ADCY4: variants seen among roughly 807,000 people sequenced by gnomAD.
The protein encoded by ADCY4 is adenylate cyclase 4.
In ADCY4, 111 loss-of-function variants were observed where a neutral mutation model predicts 125.5. The observed-to-expected ratio is 0.88, with a 90% confidence interval of 0.76 to 1.04. The LOEUF (loss-of-function observed/expected upper bound fraction) is 1.04. Ranked by LOEUF, ADCY4 falls within the 50% of genes least tolerant of loss-of-function variation. The pLI is 0.00. For synonymous variants in ADCY4, 576 were observed against 586.9 expected (o/e 0.98, Z 0.27); for missense variants, 1,256 against 1,382.9 (o/e 0.91, Z 1.46).
intron 1 of ADCY4, 31 bp from the exon 2 acceptor site, chr14:24,333,019 T>G (rs2139228200): frequency 6.7e-7 from 1 of 1,495,010 alleles, no homozygotes; most frequent in Non-Finnish European, 8.9e-7. Flanking sequence ...GGCAAGATTG[T>G]GACAGGGAGA....
intron 6 of ADCY4, chr14:24,330,766 G>T: frequency 2.0e-6 from 1 of 495,700 alleles, no homozygotes; most frequent in Non-Finnish European, 3.6e-6. Flanking sequence ...TGGGGGCTCT[G>T]AGCATGTTTG....
At chr14:24,334,018 G>A (rs2042093002) in intron 1 of ADCY4, among the ~76,000 whole-genome samples, 1 of 152,220 alleles carries the variant, frequency 6.6e-6, no homozygotes, top group South Asian at 2.1e-4. Flanking sequence ...TTCTAGAATT[G>A]GATTGAAGAC....
intron 10 of ADCY4, 173 bp downstream of exon 10, chr14:24,328,888 A>G: frequency 2.5e-6 from 2 of 785,894 alleles, no homozygotes; most frequent in Non-Finnish European, 4.0e-6. Flanking sequence ...AAGGAGGGGC[A>G]AGGAAGGGCC....
intron 12 of ADCY4, 36 bp downstream of exon 12, chr14:24,326,043 G>T: frequency 2.5e-6 from 4 of 1,570,398 alleles, no homozygotes; most frequent in Non-Finnish European, 3.5e-6. Flanking sequence ...TGACCTCAGG[G>T]CCTGCGGCCC....
intron 14 of ADCY4, among the ~76,000 whole-genome samples, chr14:24,324,770 C>A (rs2041914996): frequency 6.6e-6 from 1 of 151,162 alleles, no homozygotes; most frequent in African/African-American, 2.4e-5. Flanking sequence ...GTGGTGTGAT[C>A]TTGGCTCACT....
chr14:24,322,870 G>T (rs774545029), intron 18 of ADCY4, 34 bp downstream of exon 18: 1 of 1,561,804 alleles, frequency 6.4e-7, no homozygotes, highest in East Asian at 2.4e-5. Context: ...CCATCCCAGG[G>T]GGCCCGGCAC....
intron 19 of ADCY4, 28 bp downstream of exon 19, chr14:24,322,596 C>G (rs2041869745): frequency 6.2e-7 from 1 of 1,611,590 alleles, no homozygotes; most frequent in Non-Finnish European, 8.5e-7. Flanking sequence ...ATAGGTGGGC[C>G]CTGGTGGGGC....
chr14:24,319,866 T>A lies in ADCY4; in HGVS notation c.2609A>T (p.Glu870Val). 6.2e-7 allele frequency: 1 copy of A among 1,613,782 alleles called. No homozygotes were observed. Among genetic ancestry groups the A allele is most frequent in the Non-Finnish European group, 8.5e-7 (1 of 1,179,996 alleles). Residue 870 changes from glutamate (E) to valine (V), a missense_variant, in exon 21 of 25, where the codon GAA (glutamate) becomes GTA (valine). Glu to Val is a moderately radical substitution (Grantham distance 121, BLOSUM62 -2). Coordinates refer to ENST00000418030, the MANE Select transcript of ADCY4 (RefSeq NM_001198568.2). This position sits in a 1 kb window ranked among gnomAD's most constrained non-coding sequence, Gnocchi z 4.5. ...RNEDLYHQSYECVCVLFASVP... is the reference protein window; with the variant it reads ...RNEDLYHQSYVCVCVLFASVP... ...TGAGGCGAAGAGGACACAAACGCAT[T>A]CATAGGACTGGTGGTAGAGATCCTG... is the stretch of plus-strand genomic sequence containing the variant.
In ADCY4 at chr14:24,329,869, C is replaced by A; in HGVS notation, c.1208G>T (p.Gly403Val). 3 of 1,613,500 alleles carry A rather than the reference C, an allele frequency of 1.9e-6. No individual in the cohort carries two copies. The highest frequency in any genetic ancestry group is 2.5e-6 in the Non-Finnish European group (3 of 1,179,636). ...GGGCCCTAGGTCTCACCCTGGTACA[C>A]CGCCTGCCTCCATGTGGTTAGCCAG... is the stretch of plus-strand genomic sequence containing the variant. Reference protein sequence around the residue: ...VTLANHMEAGGVPGRVHITGA... With the variant: ...VTLANHMEAGVVPGRVHITGA... Residue 403 changes from glycine to valine, a missense_variant, in exon 8 of 25, where the codon GGT becomes GTT. By Grantham distance (109) the Gly-to-Val change is moderately radical (BLOSUM62 -3). Transcript: ENST00000418030.
At position 24,325,428 on chromosome 14, in the gene ADCY4, G is replaced by A. The variant is rs1191279079; in HGVS notation, c.1772C>T (p.Thr591Ile). 2 of 1,613,784 alleles carry A rather than the reference G, an allele frequency of 1.2e-6. No homozygotes were observed. Among genetic ancestry groups the A allele is most frequent in the South Asian group, 2.2e-5 (2 of 91,070 alleles). ...GAAGTTGGAGAGAAAAACCAGGAAG[G>A]TGCAGGCTTCATAGTATTTGAAGGC... ...IPAFKYYEACTFLVFLSNFII... is the reference protein window; with the variant it reads ...IPAFKYYEACIFLVFLSNFII... Residue 591 changes from threonine (T) to isoleucine (I), a missense_variant, in exon 14 of 25, where the codon ACC becomes ATC. Physicochemically the swap from Thr to Ile is moderately conservative, Grantham distance 89. Transcript: ENST00000418030.
Position 24,323,456 on chromosome 14 carries a change from T to A in ADCY4, c.2047-2A>T. 1 of 1,552,248 alleles carries A rather than the reference T, an allele frequency of 6.4e-7. No homozygotes were observed. The highest frequency in any genetic ancestry group is 8.7e-7 in the Non-Finnish European group (1 of 1,147,208). On this transcript the variant is annotated splice_acceptor_variant, in intron 16 of 24. Coordinates refer to ENST00000418030, the MANE Select transcript of ADCY4 (RefSeq NM_001198568.2). LOFTEE classifies it high-confidence loss of function. Reference sequence around the variant, plus strand: ...GTCTGATGATGTTGGGAAGAAGAACTGCAGAGGAGATGAGGAGTTGAAGAG... The same window carrying A: ...GTCTGATGATGTTGGGAAGAAGAACAGCAGAGGAGATGAGGAGTTGAAGAG...
chr14:24,326,234 C>G (rs2041942073), intron 11 of ADCY4, 65 bp downstream of exon 11: 1 of 1,613,608 alleles, frequency 6.2e-7, no homozygotes, highest in Non-Finnish European at 8.5e-7. Flanking sequence ...AGGAGCAGAC[C>G]CCCAGGGAGG....
At chr14:24,323,275 CAG>C (rs758475215) in intron 17 of ADCY4, 67 bp downstream of exon 17, 128 of 1,470,856 alleles carry the variant, frequency 8.7e-5, no homozygotes, top group Admixed American at 1.6e-4. Context: ...TTCCTCCACT[CAG>C]GGGGCTGTGG....
intron 20 of ADCY4, among the ~76,000 whole-genome samples, chr14:24,320,205 G>GT (rs747628907): frequency 1.4e-4 from 22 of 152,300 alleles, no homozygotes; most frequent in Non-Finnish European, 2.8e-4. Flanking sequence ...GCTGAAAGGT[G>GT]TTTAAGTCAA....
At position 24,323,324 on chromosome 14, in the gene ADCY4, G is replaced by T. The variant is rs1342570862; in HGVS notation, c.2157+20C>A. 6.5e-7 allele frequency: 1 copy of T among 1,536,912 alleles called. No individual in the cohort carries two copies. The highest frequency in any genetic ancestry group is 1.2e-5 in the South Asian group (1 of 83,788). On this transcript the variant is annotated intron_variant, in intron 17 of 24. Transcript: ENST00000418030. ...GGAAGGGTGTGCAGAAGGAGATTAA[G>T]GGCATGTGGGAACACTCACTGGGAC... is the stretch of plus-strand genomic sequence containing the variant.
At chr14:24,332,451 C>G (rs2042056497) in intron 3 of ADCY4, 71 bp downstream of exon 3, 1 of 1,487,550 alleles carries the variant, frequency 6.7e-7, no homozygotes, top group South Asian at 1.3e-5. Flanking sequence ...AGCTCAACAA[C>G]CCCCTAAAAG....
At chr14:24,330,345 G>T in intron 6 of ADCY4, 50 bp from the exon 7 acceptor site, 1 of 1,606,504 alleles carries the variant, frequency 6.2e-7, no homozygotes, top group Admixed American at 1.7e-5. Flanking sequence ...GAGGTCAGAA[G>T]GGTAGGAGGG....
At chr14:24,321,804 C>T in intron 20 of ADCY4, 1 of 1,181,966 alleles carries the variant, frequency 8.5e-7, no homozygotes, top group Non-Finnish European at 1.0e-6. Context: ...CAGACAGCTC[C>T]CATCAACGCC....
In ADCY4 at chr14:24,332,457, A is replaced by T. The variant is rs1346943176; in HGVS notation, c.519+65T>A. 4 of 1,509,220 alleles carry T rather than the reference A, an allele frequency of 2.7e-6. No homozygotes were observed. The East Asian group carries it at 7.4e-5, about 28-fold the overall frequency. 93.5% of individuals were successfully genotyped at this position (1,509,220 alleles called of 1,614,324 possible). On this transcript the variant is annotated intron_variant, in intron 3 of 24. Transcript: ENST00000418030. The stretch of plus-strand genomic sequence containing the variant: ...TGGAGTCACAGCTCAACAACCCCCT[A>T]AAAGGAGCCTACTAGCACGTGGCAG...
Sources: allele counts gnomAD v4.1 joint callset (sites outside exome capture counted in the v4.1 genomes callset), GRCh38; gene constraint gnomAD v4.1.1; non-coding constraint Gnocchi (gnomAD v3.1); transcripts MANE v1.5; gene names NCBI Gene and HGNC (gene_info 2026-07-23, HGNC 2026-07-21).